The following RCAN1 variants were observed in gnomAD, a reference collection of about 807,000 sequenced individuals.
RCAN1 encodes the protein calcipressin-1.
Under a neutral mutation model 22.9 loss-of-function variants are expected in RCAN1, and 11 were observed. The ratio of observed to expected loss-of-function variants is 0.48; its 90% confidence interval spans 0.30 to 0.79. The LOEUF is 0.79. Ranked by LOEUF, RCAN1 falls within the 30% of genes least tolerant of loss-of-function variation. The pLI is 0.06. For missense variants in RCAN1, 291 were observed against 337.8 expected (o/e 0.86, Z 1.09); for synonymous variants, 136 against 142.3 (o/e 0.96, Z 0.32).
At chr21:34,557,117 G>A (rs960660294) in intron 1 of RCAN1, among the ~76,000 whole-genome samples, 1 of 152,168 alleles carries the variant, frequency 6.6e-6, no homozygotes, top group Non-Finnish European at 1.5e-5. Context: ...GGAGGCTGAG[G>A]CAGGAGAATT....
At chr21:34,574,629 C>A (rs1422804346) in intron 1 of RCAN1, among the ~76,000 whole-genome samples, 1 of 152,014 alleles carries the variant, frequency 6.6e-6, no homozygotes. Flanking sequence ...GCACACAATG[C>A]GTCAAAAAAA....
chr21:34,588,798 A>G (rs779859147), intron 1 of RCAN1, among the ~76,000 whole-genome samples: 4 of 138,568 alleles, frequency 2.9e-5, no homozygotes, highest in Non-Finnish European at 3.2e-5. Flanking sequence ...CAATGGGAAA[A>G]TGAATAAACA....
intron 1 of RCAN1, among the ~76,000 whole-genome samples, chr21:34,601,700 C>T (rs1424518164): frequency 6.6e-6 from 1 of 151,820 alleles, no homozygotes; most frequent in African/African-American, 2.4e-5. Flanking sequence ...CGCCTGTAGT[C>T]CCAGCTACTT....
chr21:34,613,301 A>G (rs1049045078), intron 1 of RCAN1, among the ~76,000 whole-genome samples: 2 of 152,158 alleles, frequency 1.3e-5, no homozygotes, highest in Non-Finnish European at 1.5e-5. Flanking sequence ...GATACATTTG[A>G]TATTTCTTTA....
At chr21:34,593,900 A>G (rs1273889660) in intron 1 of RCAN1, among the ~76,000 whole-genome samples, 2 of 152,212 alleles carry the variant, frequency 1.3e-5, no homozygotes, top group African/African-American at 4.8e-5. Context: ...TAGAAATTCT[A>G]TAATACGTGT....
In RCAN1 at chr21:34,516,517, A is replaced by G. The variant is rs1318408535; in HGVS notation, c.*1567T>C. The G allele has an allele frequency of 6.6e-6, 1 of 152,248 alleles. No homozygotes were observed. Among genetic ancestry groups the G allele is most frequent in the Non-Finnish European group, 1.5e-5 (1 of 68,052 alleles). The allele number at this position is 152,248 out of a possible 1,614,324, so 9.4% of individuals were successfully genotyped here. On this transcript the variant is annotated 3_prime_UTR_variant, in exon 4 of 4. Coordinates refer to ENST00000313806, the MANE Select transcript of RCAN1 (RefSeq NM_004414.7). ...AAGGAGCATACTGTGCCCATTTATT[A>G]TAGAATGCAGTTAAAAAAAATATTT...
intron 1 of RCAN1, among the ~76,000 whole-genome samples, chr21:34,535,905 A>C (rs1209345407): frequency 6.6e-6 from 1 of 152,018 alleles, no homozygotes; most frequent in Non-Finnish European, 1.5e-5. Context: ...GTATAAAGAA[A>C]AAAAAAAGAA....
In RCAN1 at chr21:34,596,320, C is replaced by T. The variant is rs571703656; in HGVS notation, c.252+18440G>A. Among the ~76,000 whole-genome samples the T allele has an allele frequency of 3.9e-4, 60 of 152,302 alleles. 1 individual carries two copies. The South Asian group carries it at 8.3e-3, about 21-fold the overall frequency. ...AGAGTCTCTGTAGCGTGGTTCCCTC[C>T]TGCTTCTTTTGAATGAACGACTGGG... On this transcript the variant is annotated intron_variant, in intron 1 of 3. Transcript: ENST00000313806.
chr21:34,555,584 A>G (rs1004699695), intron 1 of RCAN1, among the ~76,000 whole-genome samples: 1 of 146,734 alleles, frequency 6.8e-6, no homozygotes, highest in African/African-American at 2.5e-5. Context: ...AAAAAAAAAT[A>G]AATAAAATAA....
intron 1 of RCAN1, among the ~76,000 whole-genome samples, chr21:34,528,429 A>C (rs1985195890): frequency 6.6e-6 from 1 of 152,238 alleles, no homozygotes; most frequent in African/African-American, 2.4e-5. Context: ...ACATAAACGC[A>C]TGTATTCCAA....
At chr21:34,600,803 T>C (rs750597825) in intron 1 of RCAN1, among the ~76,000 whole-genome samples, 37 of 152,248 alleles carry the variant, frequency 2.4e-4, no homozygotes, top group Non-Finnish European at 4.8e-4. Flanking sequence ...CAACATACTA[T>C]AGTGAAATTA....
chr21:34,587,569 A>G (rs925769994), intron 1 of RCAN1, among the ~76,000 whole-genome samples: 2 of 152,228 alleles, frequency 1.3e-5, no homozygotes, highest in Admixed American at 6.5e-5. Flanking sequence ...CCAGAGTCAT[A>G]AAAAAGAATA....
At chr21:34,598,638 G>A (rs1217108222) in intron 1 of RCAN1, among the ~76,000 whole-genome samples, 3 of 152,180 alleles carry the variant, frequency 2.0e-5, no homozygotes, top group Non-Finnish European at 4.4e-5. Flanking sequence ...ACAACCTCAG[G>A]AGAAAGGAAG....
At chr21:34,587,212 C>T (rs1422392581) in intron 1 of RCAN1, among the ~76,000 whole-genome samples, 1 of 152,072 alleles carries the variant, frequency 6.6e-6, no homozygotes, top group Admixed American at 6.5e-5. Flanking sequence ...AAATGGACTA[C>T]TTCCTAGAAA....
intron 1 of RCAN1, among the ~76,000 whole-genome samples, chr21:34,530,616 G>GTTTTTTTTTTTTTT (rs59150851): frequency 6.0e-5 from 4 of 66,220 alleles, no homozygotes; most frequent in African/African-American, 1.1e-4. Context: ...TAGTGAAATA[G>GTTTTTTTTTTTTTT]TTTTTTTTTT....
At chr21:34,533,871 C>A (rs968616092) in intron 1 of RCAN1, among the ~76,000 whole-genome samples, 3 of 152,136 alleles carry the variant, frequency 2.0e-5, no homozygotes, top group African/African-American at 7.2e-5. Flanking sequence ...CATTCTGGCC[C>A]AGGGAACAGC....
chr21:34,544,741 G>C (rs201790737), intron 1 of RCAN1, among the ~76,000 whole-genome samples: 1 of 152,326 alleles, frequency 6.6e-6, no homozygotes, highest in South Asian at 2.1e-4. Context: ...TGGTCCCCAA[G>C]ATAGAAAGTA....
intron 1 of RCAN1, among the ~76,000 whole-genome samples, chr21:34,589,210 CATA>C (rs1317805326): frequency 6.6e-6 from 1 of 152,102 alleles, no homozygotes; most frequent in Non-Finnish European, 1.5e-5. Flanking sequence ...AAAATCAAAG[CATA>C]ATAAAGATTG....
intron 1 of RCAN1, among the ~76,000 whole-genome samples, chr21:34,608,531 G>T (rs1418268501): frequency 6.6e-6 from 1 of 152,168 alleles, no homozygotes; most frequent in Non-Finnish European, 1.5e-5. Flanking sequence ...CCACACAAGT[G>T]AGCCTGGCAG....
Sources: allele counts gnomAD v4.1 joint callset (sites outside exome capture counted in the v4.1 genomes callset), GRCh38; gene constraint gnomAD v4.1.1; transcripts MANE v1.5; gene names NCBI Gene and HGNC (gene_info 2026-07-23, HGNC 2026-07-21).